Variants in AGBL4 observed in about 807,000 individuals in gnomAD.
The protein encoded by AGBL4 is cytosolic carboxypeptidase 6.
In AGBL4, 58 loss-of-function variants were observed where a neutral mutation model predicts 66.4. The ratio of observed to expected loss-of-function variants is 0.87; its 90% confidence interval spans 0.71 to 1.09. The LOEUF (loss-of-function observed/expected upper bound fraction) is 1.09. AGBL4 is among the 50% of genes least tolerant of loss of function. AGBL4 has a pLI of 0.00. For synonymous variants in AGBL4, 234 were observed against 222.9 expected, an observed-to-expected ratio of 1.05 and a Z score of -0.44; for missense variants, 579 against 631.0, an observed-to-expected ratio of 0.92 and a Z score of 0.88.
intron 3 of AGBL4, among the ~76,000 whole-genome samples, chr1:49,524,510 A>T (rs576666542): frequency 6.6e-6 from 1 of 152,026 alleles, no homozygotes; most frequent in Non-Finnish European, 1.5e-5. Context: ...CTGGTTAAAG[A>T]TGTATTATAG....
chr1:49,769,094 A>G (rs1350257415), intron 2 of AGBL4, among the ~76,000 whole-genome samples: 1 of 151,938 alleles, frequency 6.6e-6, no homozygotes, highest in East Asian at 1.9e-4. Flanking sequence ...TGATCTGCCC[A>G]CCTCGGCCTC....
intron 3 of AGBL4, among the ~76,000 whole-genome samples, chr1:49,425,732 C>T (rs1417815459): frequency 6.6e-6 from 1 of 152,182 alleles, no homozygotes; most frequent in East Asian, 1.9e-4. Flanking sequence ...ATCTCTGCCT[C>T]ATGACCAAAG....
intron 2 of AGBL4, chr1:49,844,863 G>A (rs1040847731): frequency 6.8e-7 from 1 of 1,479,308 alleles, no homozygotes; most frequent in African/African-American, 1.4e-5. Context: ...TAGAGAGCCT[G>A]GCAGTGCTGG....
At chr1:48,837,703 C>CTATATATATATATAT (rs1382300748) in intron 6 of AGBL4, among the ~76,000 whole-genome samples, 2 of 97,964 alleles carry the variant, frequency 2.0e-5, no homozygotes, top group Non-Finnish European at 3.9e-5. Context: ...CACACGCACA[C>CTATATATATATATAT]ACACACACTA....
At chr1:48,894,097 G>A (rs543737127) in intron 5 of AGBL4, among the ~76,000 whole-genome samples, 22 of 152,296 alleles carry the variant, frequency 1.4e-4, no homozygotes, top group South Asian at 1.2e-3. Context: ...AGTATTAGTC[G>A]ACTTCAAAAT....
intron 3 of AGBL4, among the ~76,000 whole-genome samples, chr1:49,498,521 G>A (rs992612071): frequency 2.6e-5 from 4 of 151,344 alleles, no homozygotes; most frequent in Admixed American, 2.0e-4. Context: ...CTTTTTAAAG[G>A]CTAATATAAT....
intron 1 of AGBL4, among the ~76,000 whole-genome samples, chr1:49,935,614 G>T (rs1002803731): frequency 6.6e-6 from 1 of 152,064 alleles, no homozygotes; most frequent in African/African-American, 2.4e-5. Context: ...CACCTCACAT[G>T]GCCGGGTACT....
chr1:49,767,425 G>A (rs1399710284), intron 2 of AGBL4, among the ~76,000 whole-genome samples: 2 of 151,952 alleles, frequency 1.3e-5, no homozygotes, highest in Admixed American at 1.3e-4. Context: ...AAGAGAGAAA[G>A]AACATATAAA....
chr1:49,286,288 T>A (rs1644407475), intron 3 of AGBL4, among the ~76,000 whole-genome samples: 1 of 151,860 alleles, frequency 6.6e-6, no homozygotes, highest in Admixed American at 6.6e-5. Context: ...AGCATTCCCT[T>A]TGAAAACTGG....
chr1:49,722,339 C>T (rs1222734768), intron 2 of AGBL4, among the ~76,000 whole-genome samples: 1 of 152,140 alleles, frequency 6.6e-6, no homozygotes, highest in African/African-American at 2.4e-5. Context: ...AAACCTGGAA[C>T]TGCCCTTGCT....
intron 4 of AGBL4, among the ~76,000 whole-genome samples, chr1:49,161,483 C>T (rs751868840): frequency 4.6e-5 from 7 of 152,200 alleles, no homozygotes; most frequent in Non-Finnish European, 8.8e-5. Flanking sequence ...CAGACCAGAG[C>T]TCTTCCTATT....
At chr1:49,530,179 T>C (rs1650984166) in intron 3 of AGBL4, among the ~76,000 whole-genome samples, 1 of 149,156 alleles carries the variant, frequency 6.7e-6, no homozygotes, top group Admixed American at 6.8e-5. Flanking sequence ...TTATCATCAT[T>C]ATTATCATTT....
intron 1 of AGBL4, among the ~76,000 whole-genome samples, chr1:49,867,999 A>C (rs1157299466): frequency 6.6e-6 from 1 of 152,134 alleles, no homozygotes; most frequent in Non-Finnish European, 1.5e-5. Flanking sequence ...CAGAGAGCCA[A>C]ATCATGAGTG....
intron 3 of AGBL4, among the ~76,000 whole-genome samples, chr1:49,694,408 C>T (rs900610579): frequency 1.3e-5 from 2 of 152,050 alleles, no homozygotes; most frequent in Admixed American, 1.3e-4. Flanking sequence ...CGACAGATTT[C>T]CATAATGTGA....
At chr1:49,666,877 T>C (rs564959863) in intron 3 of AGBL4, among the ~76,000 whole-genome samples, 3 of 152,122 alleles carry the variant, frequency 2.0e-5, no homozygotes, top group Non-Finnish European at 4.4e-5. Context: ...AAATTTGAAC[T>C]TAAGATGCCT....
At chr1:49,918,560 C>T (rs1490669028) in intron 1 of AGBL4, among the ~76,000 whole-genome samples, 4 of 152,150 alleles carry the variant, frequency 2.6e-5, no homozygotes, top group African/African-American at 7.2e-5. Context: ...CCTGAATAGA[C>T]CAATAACAGC....
intron 3 of AGBL4, among the ~76,000 whole-genome samples, chr1:49,492,663 C>T (rs1570858735): frequency 6.6e-6 from 1 of 151,876 alleles, no homozygotes; most frequent in Admixed American, 6.6e-5. Context: ...GGAAGCTTCC[C>T]CATGTAAGTA....
chr1:49,518,371 A>G (rs1277096466), intron 3 of AGBL4, among the ~76,000 whole-genome samples: 3 of 152,046 alleles, frequency 2.0e-5, no homozygotes, highest in Non-Finnish European at 4.4e-5. Flanking sequence ...CATTCACTCA[A>G]CCAATATTTA....
At chr1:49,604,570 A>G (rs1645029148) in intron 3 of AGBL4, among the ~76,000 whole-genome samples, 1 of 152,072 alleles carries the variant, frequency 6.6e-6, no homozygotes, top group Non-Finnish European at 1.5e-5. Flanking sequence ...GAAGTTTTTT[A>G]GTTCAATTAG....
Sources: allele counts gnomAD v4.1 joint callset (sites outside exome capture counted in the v4.1 genomes callset), GRCh38; gene constraint gnomAD v4.1.1; transcripts MANE v1.5; gene names NCBI Gene and HGNC (gene_info 2026-07-23, HGNC 2026-07-21).